The following VAT1L variants were observed in gnomAD, a reference collection of about 807,000 sequenced individuals.
VAT1L encodes vesicle amine transport 1 like.
VAT1L carries 34 observed loss-of-function variants against 44.1 expected under a neutral mutation model. The observed-to-expected ratio is 0.77, with a 90% confidence interval of 0.59 to 1.03. The LOEUF (loss-of-function observed/expected upper bound fraction) is 1.03. Among genes scored for constraint, VAT1L ranks in the 50% least tolerant of loss-of-function variants. The pLI, the probability that VAT1L is intolerant of heterozygous loss-of-function variation, is 0.00. For synonymous variants in VAT1L, 253 were observed against 202.2 expected, an observed-to-expected ratio of 1.25 and a Z score of -2.13; for missense variants, 615 against 538.8, an observed-to-expected ratio of 1.14 and a Z score of -1.40.
At chr16:77,916,053 A>G (rs1425526148) in intron 7 of VAT1L, among the ~76,000 whole-genome samples, 1 of 152,250 alleles carries the variant, frequency 6.6e-6, no homozygotes, top group East Asian at 1.9e-4. Flanking sequence ...AATGCGGAAC[A>G]TTAATTCCCT....
intron 7 of VAT1L, among the ~76,000 whole-genome samples, chr16:77,955,085 T>C (rs1179983593): frequency 1.3e-5 from 2 of 152,230 alleles, no homozygotes; most frequent in East Asian, 3.8e-4. Flanking sequence ...TCTTCCTCGT[T>C]CTTGGGAAAG....
intron 1 of VAT1L, among the ~76,000 whole-genome samples, chr16:77,815,286 T>C (rs971053425): frequency 1.5e-4 from 23 of 152,342 alleles, no homozygotes; most frequent in African/African-American, 5.5e-4. Flanking sequence ...GAATTAGCAC[T>C]CAAACTGGCA....
chr16:77,913,512 G>C (rs890610908), intron 7 of VAT1L, among the ~76,000 whole-genome samples: 1 of 146,300 alleles, frequency 6.8e-6, no homozygotes, highest in Non-Finnish European at 1.5e-5. Flanking sequence ...TCTTGATACA[G>C]AGACCCCCCT....
chr16:77,900,486 G>T (rs986863901), intron 7 of VAT1L, among the ~76,000 whole-genome samples: 3 of 152,024 alleles, frequency 2.0e-5, no homozygotes, highest in African/African-American at 7.3e-5. Flanking sequence ...GGTTAGGTCA[G>T]CAGTTTGAGA....
chr16:77,845,459 C>T (rs1353381604), intron 3 of VAT1L, among the ~76,000 whole-genome samples: 6 of 152,134 alleles, frequency 3.9e-5, no homozygotes, highest in African/African-American at 1.4e-4. Flanking sequence ...ACTTTGTAGG[C>T]TTTCCTCCCT....
intron 7 of VAT1L, among the ~76,000 whole-genome samples, chr16:77,932,272 T>C (rs962648853): frequency 1.3e-5 from 2 of 151,650 alleles, no homozygotes; most frequent in African/African-American, 4.8e-5. Context: ...GCTGGCTAAT[T>C]TTTTTGTATT....
intron 7 of VAT1L, among the ~76,000 whole-genome samples, chr16:77,887,918 C>A (rs908483948): frequency 6.6e-6 from 1 of 152,162 alleles, no homozygotes; most frequent in Non-Finnish European, 1.5e-5. Flanking sequence ...GTCTGTAAGG[C>A]CCTGCACTGT....
At chr16:77,892,716 C>T (rs183611280) in intron 7 of VAT1L, 99 of 737,528 alleles carry the variant, frequency 1.3e-4, no homozygotes, top group Middle Eastern at 7.4e-4. Flanking sequence ...GGCATCTGTT[C>T]CATGGCAAAT....
chr16:77,879,146 A>G lies in VAT1L; in HGVS notation c.827-23A>G. On this transcript the variant is annotated intron_variant, in intron 5 of 8. Transcript: ENST00000302536. The surrounding 1 kb of genome is among the most constrained non-coding windows in gnomAD (Gnocchi z 4.1). ...GTCCATTTTCATTAGCAATTGCTTA[A>G]TGTGGGAATCTTTCATTTTCAGGCT... The G allele has an allele frequency of 1.9e-6, 3 of 1,613,670 alleles. No homozygotes were observed. In the South Asian group the frequency reaches 3.3e-5, roughly 18 times the overall value.
chr16:77,927,386 T>C (rs139714772), intron 7 of VAT1L, among the ~76,000 whole-genome samples: 8 of 150,200 alleles, frequency 5.3e-5, no homozygotes, highest in Non-Finnish European at 8.9e-5. Context: ...TAGTGAGTAC[T>C]ACTGTTGTCC....
chr16:77,924,304 G>T (rs531388369), intron 7 of VAT1L, among the ~76,000 whole-genome samples: 2 of 152,078 alleles, frequency 1.3e-5, no homozygotes. Flanking sequence ...CCAGCATCAA[G>T]CTCAGCCTCT....
chr16:77,806,316 T>G (rs2016158022), intron 1 of VAT1L, among the ~76,000 whole-genome samples: 1 of 152,106 alleles, frequency 6.6e-6, no homozygotes, highest in South Asian at 2.1e-4. Context: ...TTGAAGCCAT[T>G]CTCCTGCCTC....
chr16:77,855,174 T>C (rs1183408808), intron 3 of VAT1L, among the ~76,000 whole-genome samples: 1 of 151,962 alleles, frequency 6.6e-6, no homozygotes, highest in Non-Finnish European at 1.5e-5. Context: ...ACTCCGTCTC[T>C]ACTAAAAATA....
At chr16:77,797,445 C>T (rs1410341830) in intron 1 of VAT1L, among the ~76,000 whole-genome samples, 1 of 152,190 alleles carries the variant, frequency 6.6e-6, no homozygotes, top group Non-Finnish European at 1.5e-5. Context: ...CTTTCAAAGC[C>T]ACCCAACTTC....
intron 7 of VAT1L, among the ~76,000 whole-genome samples, chr16:77,934,742 G>A (rs372201929): frequency 6.6e-6 from 1 of 152,164 alleles, no homozygotes; most frequent in Non-Finnish European, 1.5e-5. Context: ...GAGGGAGACA[G>A]GGTAGGTTTA....
At chr16:77,918,545 T>A (rs2017574474) in intron 7 of VAT1L, among the ~76,000 whole-genome samples, 1 of 152,104 alleles carries the variant, frequency 6.6e-6, no homozygotes, top group South Asian at 2.1e-4. Flanking sequence ...GCTCTCCTCA[T>A]GTCGCTGTGA....
chr16:77,848,628 A>G (rs1049458221), intron 3 of VAT1L, among the ~76,000 whole-genome samples: 3 of 152,100 alleles, frequency 2.0e-5, no homozygotes, highest in Admixed American at 6.5e-5. Context: ...GACAAAAACA[A>G]AAGTTCTGAA....
chr16:77,907,439 T>A (rs1223686477), intron 7 of VAT1L, among the ~76,000 whole-genome samples: 1 of 152,192 alleles, frequency 6.6e-6, no homozygotes, highest in East Asian at 1.9e-4. Context: ...TGAGGCTATA[T>A]AAAGAAATCA....
intron 7 of VAT1L, among the ~76,000 whole-genome samples, chr16:77,900,704 A>G (rs928502189): frequency 1.3e-5 from 2 of 151,646 alleles, no homozygotes; most frequent in Non-Finnish European, 2.9e-5. Flanking sequence ...TGAAAAAAAA[A>G]AAAAGAAAAT....
Sources: gnomAD v4.1 joint callset for allele counts (sites outside exome capture counted in the v4.1 genomes callset) on GRCh38, gnomAD v4.1.1 for gene constraint, Gnocchi (gnomAD v3.1) non-coding constraint, MANE v1.5 for transcripts, NCBI Gene and HGNC (gene_info 2026-07-23, HGNC 2026-07-21) for gene names.